Variants in KDM7A observed in about 807,000 individuals in gnomAD.
KDM7A encodes the protein lysine demethylase 7A.
In KDM7A, 28 loss-of-function variants were observed where a neutral mutation model predicts 114.8. The observed-to-expected ratio is 0.24, with a 90% CI of 0.18 to 0.33. The LOEUF (loss-of-function observed/expected upper bound fraction) is 0.33. Among genes scored for constraint, KDM7A ranks in the 10% least tolerant of loss-of-function variants. The probability of loss-of-function intolerance (pLI) is 1.00; values close to 1 mark genes in which losing one functional copy is unlikely to be tolerated. For missense variants in KDM7A, 942 were observed against 1,142.5 expected (o/e 0.82, Z 2.53); for synonymous variants, 423 against 397.8 (o/e 1.06, Z -0.75).
intron 1 of KDM7A, among the ~76,000 whole-genome samples, chr7:140,171,821 G>A (rs1794646100): frequency 6.6e-6 from 1 of 151,732 alleles, no homozygotes; most frequent in Non-Finnish European, 1.5e-5. Context: ...ACTTTATTAT[G>A]TGTGAGATCC....
intron 1 of KDM7A, among the ~76,000 whole-genome samples, chr7:140,171,189 G>A (rs1314893449): frequency 2.0e-5 from 3 of 151,914 alleles, no homozygotes; most frequent in South Asian, 2.1e-4. Flanking sequence ...ATGGCCGGGC[G>A]TGGTGGCTCA....
At chr7:140,111,695 A>G (rs1045557536) in intron 10 of KDM7A, among the ~76,000 whole-genome samples, 1 of 152,238 alleles carries the variant, frequency 6.6e-6, no homozygotes, top group Non-Finnish European at 1.5e-5. Flanking sequence ...GCAGTGACTC[A>G]CGCCTGTAAT....
At chr7:140,154,816 A>G (rs1356652507) in intron 1 of KDM7A, among the ~76,000 whole-genome samples, 1 of 152,074 alleles carries the variant, frequency 6.6e-6, no homozygotes, top group Non-Finnish European at 1.5e-5. Context: ...CTTAGAAGCT[A>G]ATTTTCAGAC....
intron 9 of KDM7A, among the ~76,000 whole-genome samples, chr7:140,116,677 T>C (rs867672880): frequency 6.6e-6 from 1 of 152,164 alleles, no homozygotes; most frequent in Non-Finnish European, 1.5e-5. Context: ...GTGATCTATA[T>C]AATCAACTAT....
intron 4 of KDM7A, among the ~76,000 whole-genome samples, chr7:140,127,881 C>G (rs1036363402): frequency 3.4e-4 from 51 of 152,120 alleles, no homozygotes; most frequent in Admixed American, 2.6e-4. Context: ...TGGTGTACAG[C>G]TCATAATGAC....
intron 10 of KDM7A, among the ~76,000 whole-genome samples, chr7:140,111,944 C>CAA (rs11327222): frequency 3.1e-4 from 31 of 100,754 alleles, no homozygotes; most frequent in African/African-American, 9.6e-4. Flanking sequence ...GACTCTGTCT[C>CAA]AAAAAAAAAA....
chr7:140,139,688 T>C (rs1794237115), intron 1 of KDM7A, among the ~76,000 whole-genome samples: 1 of 151,648 alleles, frequency 6.6e-6, no homozygotes, highest in Admixed American at 6.6e-5. Context: ...CAAAAAAACC[T>C]TAAAAACAGA....
chr7:140,093,928 A>T, intron 18 of KDM7A, 128 bp downstream of exon 18: 2 of 690,860 alleles, frequency 2.9e-6, no homozygotes, highest in Admixed American at 2.3e-5. Flanking sequence ...ATGTGCATTT[A>T]ACTGTAATTT....
chr7:140,117,456 C>T (rs1335176587), intron 9 of KDM7A, among the ~76,000 whole-genome samples: 1 of 144,296 alleles, frequency 6.9e-6, no homozygotes, highest in Admixed American at 6.9e-5. Flanking sequence ...CTGTGCATCA[C>T]CCCAAGGGTA....
In KDM7A at chr7:140,091,025, C is replaced by T. The variant is rs867422068; in HGVS notation, c.*69G>A. 8 of 1,096,620 alleles carry T rather than the reference C, an allele frequency of 7.3e-6. No individual in the cohort carries two copies. Among genetic ancestry groups the T allele is most frequent in the Admixed American group, 1.7e-5 (1 of 57,384 alleles). 67.9% of individuals were successfully genotyped at this position (1,096,620 alleles called of 1,614,324 possible). A position where few individuals can be genotyped will look rare whatever the true frequency, so the allele number is the denominator to read the frequency against. On this transcript the variant is annotated 3_prime_UTR_variant, in exon 20 of 20. Coordinates refer to ENST00000397560, the MANE Select transcript of KDM7A (RefSeq NM_030647.2). Reference sequence around the variant, plus strand: ...CAAACTGCTCCAGGCAGGGGGACAGCGGAAGCTCCAGGCTCCTGCACCCCT... The same window carrying T: ...CAAACTGCTCCAGGCAGGGGGACAGTGGAAGCTCCAGGCTCCTGCACCCCT...
chr7:140,153,162 C>T (rs769916051), intron 1 of KDM7A, among the ~76,000 whole-genome samples: 2 of 151,680 alleles, frequency 1.3e-5, no homozygotes, highest in South Asian at 2.1e-4. Context: ...CTAAAGGTCA[C>T]GTGATCGATG....
chr7:140,162,973 A>G (rs1794536534), intron 1 of KDM7A, among the ~76,000 whole-genome samples: 1 of 151,810 alleles, frequency 6.6e-6, no homozygotes, highest in Admixed American at 6.6e-5. Flanking sequence ...ATAAATAAAA[A>G]GTAAGATTTT....
intron 1 of KDM7A, among the ~76,000 whole-genome samples, chr7:140,151,396 G>C (rs941112658): frequency 2.0e-5 from 3 of 152,170 alleles, no homozygotes; most frequent in African/African-American, 7.2e-5. Flanking sequence ...AATATTTACT[G>C]ATTGACACAA....
intron 3 of KDM7A, among the ~76,000 whole-genome samples, chr7:140,131,265 A>G (rs562901152): frequency 4.6e-5 from 7 of 152,232 alleles, no homozygotes; most frequent in Non-Finnish European, 8.8e-5. Flanking sequence ...TTACATTAAC[A>G]TAAGTGGAGT....
intron 1 of KDM7A, among the ~76,000 whole-genome samples, chr7:140,168,567 C>CAAA (rs34680636): frequency 2.7e-5 from 3 of 110,180 alleles, no homozygotes; most frequent in Non-Finnish European, 3.9e-5. Context: ...GACTCTATCT[C>CAAA]AAAAAAAAAA....
rs1316799788 is a variant in KDM7A, at chr7:140,085,233, G to T, written c.*5861C>A. The T allele has an allele frequency of 6.7e-6, 1 of 149,046 alleles. No individual in the cohort carries two copies. The highest frequency in any genetic ancestry group is 1.5e-5 in the Non-Finnish European group (1 of 67,128). 9.2% of individuals were successfully genotyped at this position (149,046 alleles called of 1,614,324 possible). ...ATTCCGCAGACACCCCCAACAAGAA[G>T]AACAGTCCCCTCGGACCGTGGGCAT... On this transcript the variant is annotated 3_prime_UTR_variant, in exon 20 of 20. Coordinates refer to ENST00000397560, the MANE Select transcript of KDM7A (RefSeq NM_030647.2).
At chr7:140,099,618 T>A (rs1818169417) in intron 13 of KDM7A, among the ~76,000 whole-genome samples, 2 of 152,202 alleles carry the variant, frequency 1.3e-5, no homozygotes, top group Non-Finnish European at 2.9e-5. Flanking sequence ...CCACCTGAGC[T>A]CTGTCTCCTG....
chr7:140,171,503 T>TAAATATATA (rs1794638319), intron 1 of KDM7A, among the ~76,000 whole-genome samples: 1 of 146,058 alleles, frequency 6.8e-6, no homozygotes, highest in African/African-American at 2.5e-5. Context: ...TATATACATA[T>TAAATATATA]TTTATATATA....
At chr7:140,101,403 G>A (rs1284061846) in intron 12 of KDM7A, among the ~76,000 whole-genome samples, 2 of 152,128 alleles carry the variant, frequency 1.3e-5, no homozygotes, top group South Asian at 2.1e-4. Context: ...TGCCTGTAAT[G>A]CCATTCCTCC....
Sources: gnomAD v4.1 joint callset for allele counts (sites outside exome capture counted in the v4.1 genomes callset) on GRCh38, gnomAD v4.1.1 for gene constraint, MANE v1.5 for transcripts, NCBI Gene and HGNC (gene_info 2026-07-23, HGNC 2026-07-21) for gene names.